FREM1: variants seen among roughly 807,000 people sequenced by gnomAD.
The protein encoded by FREM1 is FRAS1-related extracellular matrix protein 1.
A neutral mutation model predicts 210.1 loss-of-function variants in FREM1; 220 were observed. The observed-to-expected ratio is 1.05, with a 90% CI of 0.94 to 1.17. The LOEUF (loss-of-function observed/expected upper bound fraction) is 1.17. Among genes scored for constraint, FREM1 ranks in the 50% most tolerant of loss-of-function variants. FREM1 has a pLI of 0.00. For missense variants in FREM1, 3,454 were observed against 2,675.5 expected, an observed-to-expected ratio of 1.29 and a Z score of -6.42; for synonymous variants, 1,189 against 980.2, an observed-to-expected ratio of 1.21 and a Z score of -3.98.
At chr9:14,773,812 TC>T (rs1474356292) in intron 25 of FREM1, among the ~76,000 whole-genome samples, 1 of 152,106 alleles carries the variant, frequency 6.6e-6, no homozygotes, top group East Asian at 1.9e-4. Context: ...CATCCTCTTT[TC>T]CATCTGTGCT....
intron 14 of FREM1, among the ~76,000 whole-genome samples, chr9:14,819,007 T>G (rs76780878): frequency 6.6e-6 from 1 of 152,192 alleles, no homozygotes; most frequent in South Asian, 2.1e-4. Context: ...TGTTCAAATA[T>G]CCATAAAGTT....
chr9:14,879,665 A>G (rs946323449), intron 1 of FREM1, among the ~76,000 whole-genome samples: 1 of 152,204 alleles, frequency 6.6e-6, no homozygotes, highest in African/African-American at 2.4e-5. Flanking sequence ...TTAGAGATAA[A>G]TCATTCAATT....
intron 17 of FREM1, among the ~76,000 whole-genome samples, chr9:14,807,521 G>T (rs144145425): frequency 2.0e-5 from 3 of 152,150 alleles, no homozygotes; most frequent in East Asian, 3.9e-4. Context: ...TATATAAATG[G>T]TCTCTCCGGT....
chr9:14,885,589 T>G (rs1230921685), intron 1 of FREM1, among the ~76,000 whole-genome samples: 1 of 152,114 alleles, frequency 6.6e-6, no homozygotes, highest in African/African-American at 2.4e-5. Flanking sequence ...TGGCTAATTG[T>G]TTTTTAATTT....
At chr9:14,776,285 T>C in intron 24 of FREM1, 82 bp from the exon 25 acceptor site, 1 of 1,402,254 alleles carries the variant, frequency 7.1e-7, no homozygotes, top group Non-Finnish European at 9.5e-7. Context: ...AATACACACC[T>C]TTACTAAAGG....
intron 22 of FREM1, among the ~76,000 whole-genome samples, chr9:14,791,603 C>A (rs894936321): frequency 6.6e-6 from 1 of 152,144 alleles, no homozygotes; most frequent in African/African-American, 2.4e-5. Context: ...GGTGGGACTG[C>A]AGTGGGATGA....
At chr9:14,809,160 C>G (rs1023974914) in intron 16 of FREM1, among the ~76,000 whole-genome samples, 3 of 152,182 alleles carry the variant, frequency 2.0e-5, no homozygotes, top group Non-Finnish European at 4.4e-5. Context: ...GGGAGTTTCC[C>G]TGCACAAGCT....
At position 14,757,674 on chromosome 9, in the gene FREM1, T is replaced by C. The variant is rs1563847495; in HGVS notation, c.5335-1228A>G. Among the ~76,000 whole-genome samples the C allele has an allele frequency of 2.0e-5, 3 of 152,212 alleles. No individual in the cohort carries two copies. In the South Asian group the frequency reaches 6.2e-4, roughly 32 times the overall value. The stretch of plus-strand genomic sequence containing the variant: ...TAGATGTTTAAGATGGTCAGGAATG[T>C]GGGATAATATATTTCTGTACCTTCT... On this transcript the variant is annotated intron_variant, in intron 28 of 36. Coordinates refer to ENST00000380880, the MANE Select transcript of FREM1 (RefSeq NM_001379081.2).
intron 24 of FREM1, among the ~76,000 whole-genome samples, chr9:14,779,058 T>C (rs1195806025): frequency 2.0e-5 from 3 of 152,190 alleles, no homozygotes; most frequent in South Asian, 2.1e-4. Context: ...CTTTATTCTA[T>C]TGTTTTTCTG....
intron 2 of FREM1, among the ~76,000 whole-genome samples, chr9:14,865,192 C>G (rs1387771667): frequency 6.6e-6 from 1 of 152,082 alleles, no homozygotes; most frequent in African/African-American, 2.4e-5. Context: ...TAAAATGGTT[C>G]AAAGTAGAGA....
In FREM1 at chr9:14,909,198, A is replaced by G. The variant is rs1818310309; in HGVS notation, c.-268+716T>C. Among the ~76,000 whole-genome samples the G allele has an allele frequency of 5.9e-5, 9 of 152,240 alleles. No individual in the cohort carries two copies. In the South Asian group the frequency reaches 1.9e-3, roughly 31 times the overall value. On this transcript the variant is annotated intron_variant, in intron 1 of 36. Coordinates refer to ENST00000380880, the MANE Select transcript of FREM1 (RefSeq NM_001379081.2). ...AAGACTGGGTGCAATAGTTTAAAAA[A>G]AAATCAGAAACTAAAATTAAATACC...
At position 14,816,799 on chromosome 9, in the gene FREM1, T is replaced by G. The variant is rs776414699; in HGVS notation, c.2619A>C (p.Ala873=). ...CCACCTCAACATGTAGTACAAATTC[T>G]GCTGAATTTGTGCCATCGGTGACCT... ...LLEVTDGTNS[A]EFVLHVEVFP... The change falls in exon 15 of 37, where the codon GCA becomes GCC. Residue 873 remains alanine, a synonymous_variant. Coordinates refer to ENST00000380880, the MANE Select transcript of FREM1 (RefSeq NM_001379081.2). The G allele has an allele frequency of 1.4e-5, 20 of 1,431,208 alleles. No homozygotes were observed. Among genetic ancestry groups the G allele is most frequent in the Non-Finnish European group, 1.8e-5 (19 of 1,064,416 alleles). The allele number at this position is 1,431,208 out of a possible 1,614,324, so 88.7% of individuals were successfully genotyped here.
intron 10 of FREM1, among the ~76,000 whole-genome samples, chr9:14,825,531 A>ATGTGTG (rs1205301480): frequency 1.1e-4 from 6 of 54,490 alleles, no homozygotes; most frequent in Admixed American, 2.4e-4. Context: ...ACATATATAT[A>ATGTGTG]TATATGTGTG....
At chr9:14,739,235 G>T (rs1002477145) in intron 36 of FREM1, among the ~76,000 whole-genome samples, 1 of 150,712 alleles carries the variant, frequency 6.6e-6, no homozygotes, top group African/African-American at 2.4e-5. Flanking sequence ...TCCCAAGTAG[G>T]TGGGACTACT....
chr9:14,812,507 G>A (rs530030363), intron 16 of FREM1, among the ~76,000 whole-genome samples: 1 of 152,240 alleles, frequency 6.6e-6, no homozygotes, highest in African/African-American at 2.4e-5. Flanking sequence ...CACCAACTAC[G>A]ATGATCAAAC....
At chr9:14,863,676 G>C (rs1830985720) in intron 3 of FREM1, 133 bp downstream of exon 3, 1 of 606,604 alleles carries the variant, frequency 1.6e-6, no homozygotes, top group African/African-American at 1.8e-5. Context: ...CAGGCCTCCA[G>C]TTTCTGTTGA....
At chr9:14,812,691 G>A in intron 16 of FREM1, 121 bp downstream of exon 16, 3 of 1,008,828 alleles carry the variant, frequency 3.0e-6, no homozygotes, top group Non-Finnish European at 4.3e-6. Context: ...CCAGGCTGCA[G>A]CTGCTTCTTG....
chr9:14,876,988 T>C (rs1833879911), intron 1 of FREM1, among the ~76,000 whole-genome samples: 1 of 152,168 alleles, frequency 6.6e-6, no homozygotes, highest in Admixed American at 6.5e-5. Flanking sequence ...TTCTGAGATT[T>C]AAACTAATTA....
chr9:14,776,884 G>C (rs1848686291), intron 24 of FREM1, among the ~76,000 whole-genome samples: 1 of 152,160 alleles, frequency 6.6e-6, no homozygotes, highest in African/African-American at 2.4e-5. Context: ...ATCTCTTATG[G>C]TTTACATGTG....
Sources: gnomAD v4.1 joint callset for allele counts (sites outside exome capture counted in the v4.1 genomes callset) on GRCh38, gnomAD v4.1.1 for gene constraint, MANE v1.5 for transcripts, NCBI Gene and HGNC (gene_info 2026-07-23, HGNC 2026-07-21) for gene names.